The following FIZ1 variants were observed in gnomAD, a reference collection of about 807,000 sequenced individuals.
The protein encoded by FIZ1 is FLT3 interacting zinc finger 1, also known as flt3-interacting zinc finger protein 1.
A neutral mutation model predicts 5.3 loss-of-function variants in FIZ1; 2 were observed. The ratio of observed to expected loss-of-function variants is 0.37; its 90% confidence interval spans 0.15 to 1.18. The LOEUF (loss-of-function observed/expected upper bound fraction) is 1.18. Among genes scored for constraint, FIZ1 ranks in the 50% most tolerant of loss-of-function variants. The probability of loss-of-function intolerance (pLI) is 0.37; values close to 1 mark genes in which losing one functional copy is unlikely to be tolerated. For missense variants in FIZ1, 631 were observed against 749.7 expected (o/e 0.84, Z 1.85); for synonymous variants, 407 against 364.2 (o/e 1.12, Z -1.34).
rs1222717241 is a variant in FIZ1 at position 55,593,177 on chromosome 19, G to A, written c.764C>T (p.Pro255Leu). 1.1e-5 allele frequency: 13 copies of A among 1,169,384 alleles called. No homozygotes were observed. The highest frequency in any genetic ancestry group is 1.4e-5 in the Non-Finnish European group (13 of 942,838). 72.4% of individuals were successfully genotyped at this position (1,169,384 alleles called of 1,614,324 possible). A position where few individuals can be genotyped will look rare whatever the true frequency, so the allele number is the denominator to read the frequency against. The change falls in exon 3 of 3, where the codon CCG becomes CTG. Residue 255 changes from proline (P) to leucine (L), a missense_variant. Transcript: ENST00000221665. This position sits in a 1 kb window ranked among gnomAD's most constrained non-coding sequence, Gnocchi z 6.3. ...RHKLTHDLQG[P>L]GAPPAQAWAA... The stretch of plus-strand genomic sequence containing the variant: ...CCAGGCCTGCGCTGGGGGCGCGCCC[G>A]GGCCCTGCAGGTCGTGCGTCAGCTT...
chr19:55,593,074 C>T lies in FIZ1; in HGVS notation c.867G>A (p.Ser289=). ...CGGGGCCCAGGAGCAGCCTGCGGTC[C>T]GAAGCCAGAGGAGCGTCGCCCGCCT... ...AAEAGDAPLA[S]DRRLLLGPAG... Residue 289 remains serine, a synonymous_variant, in exon 3 of 3, where the codon TCG becomes TCA. Coordinates refer to ENST00000221665, the MANE Select transcript of FIZ1 (RefSeq NM_032836.3). The surrounding 1 kb of genome is among the most constrained non-coding windows in gnomAD (Gnocchi z 6.3). 7.4e-7 allele frequency: 1 copy of T among 1,354,130 alleles called. No individual in the cohort carries two copies. The highest frequency in any genetic ancestry group is 1.6e-5 in the African/African-American group (1 of 63,850). The allele number at this position is 1,354,130 out of a possible 1,614,324, so 83.9% of individuals were successfully genotyped here.
At chr19:55,599,051 T>G (rs1980484747) in intron 1 of FIZ1, 2 of 152,582 alleles carry the variant, frequency 1.3e-5, no homozygotes, top group Admixed American at 6.5e-5. Flanking sequence ...CCATTCCTTC[T>G]GAGCCACGCC....
chr19:55,599,187 C>CT, intron 1 of FIZ1: 1 of 153,086 alleles, frequency 6.5e-6, no homozygotes, highest in Non-Finnish European at 1.5e-5. Context: ...GCCCTTGCTC[C>CT]GCCCCAGCAG....
At position 55,597,701 on chromosome 19, in the gene FIZ1, G is replaced by A. The variant is rs138272486; in HGVS notation, c.165C>T (p.Arg55=). ...AGCTGTGCTTGAAACCCTTGCCGCAGCGCGGACATGCGTGGGGCTTGAGCG... is the reference window on the plus strand; with the variant it reads ...AGCTGTGCTTGAAACCCTTGCCGCAACGCGGACATGCGTGGGGCTTGAGCG... ...HTALKPHACP[R]CGKGFKHSFN... The change falls in exon 2 of 3, where the codon CGC becomes CGT. Residue 55 remains arginine (R), a synonymous_variant. Coordinates refer to ENST00000221665, the MANE Select transcript of FIZ1 (RefSeq NM_032836.3). 3.7e-6 allele frequency: 6 copies of A among 1,614,056 alleles called. No homozygotes were observed. In the African/African-American group the frequency reaches 4.0e-5, roughly 11 times the overall value.
chr19:55,598,899 T>C (rs1032711228), intron 1 of FIZ1: 1 of 152,252 alleles, frequency 6.6e-6, no homozygotes, highest in Non-Finnish European at 1.5e-5. Flanking sequence ...CCCCCCTCAC[T>C]AGGCCTACCT....
intron 2 of FIZ1, among the ~76,000 whole-genome samples, chr19:55,595,027 G>T (rs1439520472): frequency 1.3e-5 from 2 of 152,174 alleles, no homozygotes; most frequent in Non-Finnish European, 2.9e-5. Context: ...CTGAGGCATT[G>T]CCAGGCTTGT....
Position 55,593,229 on chromosome 19 carries a change from TG to T in FIZ1, c.711del (p.Phe237LeufsTer12). 1 of 1,241,410 alleles carries T rather than the reference TG, an allele frequency of 8.1e-7. No individual in the cohort carries two copies. The highest frequency in any genetic ancestry group is 1.0e-6 in the Non-Finnish European group (1 of 982,350). The allele number at this position is 1,241,410 out of a possible 1,614,324, so 76.9% of individuals were successfully genotyped here. A position where few individuals can be genotyped will look rare whatever the true frequency, so the allele number is the denominator to read the frequency against. On this transcript the variant is annotated frameshift_variant, in exon 3 of 3. Coordinates refer to ENST00000221665, the MANE Select transcript of FIZ1 (RefSeq NM_032836.3). LOFTEE classifies it low-confidence loss of function (END_TRUNC). This position sits in a 1 kb window ranked among gnomAD's most constrained non-coding sequence, Gnocchi z 6.3. ...TGCCGCTCCAGCAGCGCGGGCGCGT[TG>T]AAGTCGCGCTCGCAGCGCGGGCACT... ...PFKCPRCERD[F>X]NAPALLERHK...
chr19:55,592,025 T>TA lies in FIZ1; in HGVS notation c.*424dup. On this transcript the variant is annotated 3_prime_UTR_variant, in exon 3 of 3. Transcript: ENST00000221665. The surrounding 1 kb of genome is among the most constrained non-coding windows in gnomAD (Gnocchi z 6.9). Reference sequence around the variant, plus strand: ...TCCACATTCTCCAGATCAAGGTCGTTAGGAATGATGGCTCTCAGGGAATGG... The same window carrying TA: ...TCCACATTCTCCAGATCAAGGTCGTTAAGGAATGATGGCTCTCAGGGAATGG... The TA allele has an allele frequency of 5.6e-6, 1 of 177,618 alleles. No homozygotes were observed. Among genetic ancestry groups the TA allele is most frequent in the Non-Finnish European group, 1.2e-5 (1 of 85,526 alleles). The allele number at this position is 177,618 out of a possible 1,614,324, so 11.0% of individuals were successfully genotyped here.
chr19:55,594,696 CAAAAAAA>C lies in FIZ1; in HGVS notation c.295-1057_295-1051del, dbSNP rs71181796. Among the ~76,000 whole-genome samples the C allele has an allele frequency of 2.4e-4, 21 of 86,952 alleles. No homozygotes were observed. In the East Asian group the frequency reaches 3.0e-3, roughly 12 times the overall value. The allele number at this position is 86,952 out of a possible 152,430, so 57.0% of individuals were successfully genotyped here. ...TGGGCGACAGAGCGAGACTCTGTCT[CAAAAAAA>C]AAAAAAAAAAAAAAAGAAATCACTA... On this transcript the variant is annotated intron_variant, in intron 2 of 2. Coordinates refer to ENST00000221665, the MANE Select transcript of FIZ1 (RefSeq NM_032836.3).
Position 55,597,628 on chromosome 19 carries a change from G to A in FIZ1, c.238C>T (p.Arg80Cys). 1.2e-6 allele frequency: 2 copies of A among 1,613,616 alleles called. No individual in the cohort carries two copies. Among genetic ancestry groups the A allele is most frequent in the Non-Finnish European group, 1.7e-6 (2 of 1,179,876 alleles). The change falls in exon 2 of 3, where the codon CGC (arginine) becomes TGC (cysteine). Residue 80 changes from arginine (R) to cysteine (C), a missense_variant. This residue lies in a region of FIZ1 where 68 missense variants were observed against 163.4 expected (regional missense o/e 0.42). Transcript: ENST00000221665. ...LRSHTGERPY[R>C]CSACPKGFRD... ...AACCCCTTGGGGCAGGCAGAGCAGCGGTAGGGCCGCTCCCCGGTGTGCGAG... is the reference window on the plus strand; with the variant it reads ...AACCCCTTGGGGCAGGCAGAGCAGCAGTAGGGCCGCTCCCCGGTGTGCGAG...
Position 55,597,750 on chromosome 19 carries a change from C to T in FIZ1, c.116G>A (p.Arg39Gln). Residue 39 changes from arginine to glutamine, a missense_variant, in exon 2 of 3, where the codon CGG (arginine) becomes CAG (glutamine). Arg to Gln is a conservative substitution (Grantham distance 43). Coordinates refer to ENST00000221665, the MANE Select transcript of FIZ1 (RefSeq NM_032836.3). Reference sequence around the variant, plus strand: ...CGCTGTGTGCCGGGCAAAGTGGCGCCGCAGGTCTGAGCGGTAGCGGAAGCT... The same window carrying T: ...CGCTGTGTGCCGGGCAAAGTGGCGCTGCAGGTCTGAGCGGTAGCGGAAGCT... ...GKSFRYRSDL[R>Q]RHFARHTALK... is the part of the protein sequence containing the mutation. 1 of 1,613,966 alleles carries T rather than the reference C, an allele frequency of 6.2e-7. No individual in the cohort carries two copies. The highest frequency in any genetic ancestry group is 1.3e-5 in the African/African-American group (1 of 75,022).
chr19:55,593,528 A>T lies in FIZ1; in HGVS notation c.413T>A (p.Leu138Gln). The T allele has an allele frequency of 6.4e-7, 1 of 1,550,512 alleles. No individual in the cohort carries two copies. Among genetic ancestry groups the T allele is most frequent in the Non-Finnish European group, 8.7e-7 (1 of 1,146,814 alleles). Residue 138 changes from leucine to glutamine, a missense_variant, in exon 3 of 3, where the codon CTG becomes CAG. Leu to Gln is a moderately radical substitution (Grantham distance 113). Coordinates refer to ENST00000221665, the MANE Select transcript of FIZ1 (RefSeq NM_032836.3). This position sits in a 1 kb window ranked among gnomAD's most constrained non-coding sequence, Gnocchi z 6.3. ...RQHRGVLPSP[L>Q]QPGPGLPALS... Reference sequence around the variant, plus strand: ...GGCGGGCAGGCCAGGGCCGGGCTGCAGGGGAGAGGGGAGAACCCCACGGTG... The same window carrying T: ...GGCGGGCAGGCCAGGGCCGGGCTGCTGGGGAGAGGGGAGAACCCCACGGTG...
chr19:55,597,468 T>A, intron 2 of FIZ1, 104 bp downstream of exon 2: 1 of 1,454,208 alleles, frequency 6.9e-7, no homozygotes, highest in Non-Finnish European at 9.0e-7. Flanking sequence ...GGCGGGCGCC[T>A]AGGCCTTGGG....
chr19:55,598,166 C>G, intron 1 of FIZ1: 1 of 457,540 alleles, frequency 2.2e-6, no homozygotes. Flanking sequence ...CGCTCTTCGC[C>G]AATGCGCGGC....
In FIZ1 at chr19:55,592,784, C is replaced by G. The variant is rs1489790172; in HGVS notation, c.1157G>C (p.Gly386Ala). The change falls in exon 3 of 3, where the codon GGG becomes GCG. Residue 386 changes from glycine to alanine, a missense_variant. Transcript: ENST00000221665. This position sits in a 1 kb window ranked among gnomAD's most constrained non-coding sequence, Gnocchi z 6.9. ...HRRVSHGEGG[G>A]EEAATAARER... Reference sequence around the variant, plus strand: ...CCGGGCGGCGGTCGCCGCCTCCTCCCCGCCGCCCTCACCGTGGCTGACCCG... The same window carrying G: ...CCGGGCGGCGGTCGCCGCCTCCTCCGCGCCGCCCTCACCGTGGCTGACCCG... The G allele has an allele frequency of 3.8e-6, 6 of 1,596,274 alleles. No individual in the cohort carries two copies. In the African/African-American group the frequency reaches 8.0e-5, roughly 21 times the overall value.
chr19:55,595,829 C>T (rs1321958738), intron 2 of FIZ1: 1 of 152,290 alleles, frequency 6.6e-6, no homozygotes, highest in East Asian at 1.9e-4. Flanking sequence ...CCATCCCTGA[C>T]CCCATCCCCG....
chr19:55,598,413 C>T (rs951195985), intron 1 of FIZ1: 2 of 156,608 alleles, frequency 1.3e-5, no homozygotes, highest in Admixed American at 6.1e-5. Context: ...CTGGAGTCAT[C>T]CTTGCAGGGA....
intron 1 of FIZ1, 107 bp from the exon 2 acceptor site, chr19:55,598,008 C>G (rs1480685862): frequency 3.3e-6 from 4 of 1,194,788 alleles, no homozygotes; most frequent in Admixed American, 2.8e-5. Flanking sequence ...GACCCTCCCA[C>G]TGCCCACCTC....
At chr19:55,598,117 T>C (rs1980423979) in intron 1 of FIZ1, 2 of 587,124 alleles carry the variant, frequency 3.4e-6, no homozygotes, top group Admixed American at 3.1e-5. Context: ...AATCACTTCA[T>C]AGTCTCCTCA....
Sources: gnomAD v4.1 joint callset for allele counts (sites outside exome capture counted in the v4.1 genomes callset) on GRCh38, gnomAD v4.1.1 for gene constraint, gnomAD v4.1.1 regional missense constraint, Gnocchi (gnomAD v3.1) non-coding constraint, MANE v1.5 for transcripts, NCBI Gene and HGNC (gene_info 2026-07-23, HGNC 2026-07-21) for gene names.